The following UNC5D variants were observed in gnomAD, a reference collection of about 807,000 sequenced individuals.
UNC5D encodes netrin receptor UNC5D.
In UNC5D, 39 loss-of-function variants were observed where a neutral mutation model predicts 105.4. The observed-to-expected ratio is 0.37, with a 90% confidence interval of 0.29 to 0.48. The LOEUF (loss-of-function observed/expected upper bound fraction) is 0.48, where lower values mean the gene tolerates loss of function less well. Among genes scored for constraint, UNC5D ranks in the 20% least tolerant of loss-of-function variants. UNC5D has a pLI of 0.98. For synonymous variants in UNC5D, 452 were observed against 450.4 expected (o/e 1.00, Z -0.04); for missense variants, 991 against 1,202.4 (o/e 0.82, Z 2.60).
chr8:35,246,776 G>A (rs952325431), intron 1 of UNC5D, among the ~76,000 whole-genome samples: 1 of 152,038 alleles, frequency 6.6e-6, no homozygotes, highest in African/African-American at 2.4e-5. Context: ...GGAGCCAGTT[G>A]GTCCTCATTT....
chr8:35,407,202 G>A (rs1286550454), intron 1 of UNC5D, among the ~76,000 whole-genome samples: 6 of 152,060 alleles, frequency 3.9e-5, no homozygotes, highest in African/African-American at 9.7e-5. Flanking sequence ...ATGCAGCCTA[G>A]GTGTGAAGTA....
At chr8:35,479,373 A>G (rs1353979609) in intron 1 of UNC5D, among the ~76,000 whole-genome samples, 1 of 152,172 alleles carries the variant, frequency 6.6e-6, no homozygotes, top group Non-Finnish European at 1.5e-5. Flanking sequence ...CCCTCTATTA[A>G]CAAAATGTAC....
intron 4 of UNC5D, among the ~76,000 whole-genome samples, chr8:35,611,333 A>G (rs1235820319): frequency 6.6e-6 from 1 of 152,180 alleles, no homozygotes. Context: ...CCACTTATCA[A>G]AAAGCTTCGT....
rs1171469167 is a variant in UNC5D at position 35,512,565 on chromosome 8, A to C, written c.104-36727A>C. Among the ~76,000 whole-genome samples the C allele has an allele frequency of 3.0e-4, 29 of 95,380 alleles. 1 individual carries two copies. Among genetic ancestry groups the C allele is most frequent in the African/African-American group, 5.3e-4 (11 of 20,628 alleles). 62.6% of individuals were successfully genotyped at this position (95,380 alleles called of 152,430 possible). A position where few individuals can be genotyped will look rare whatever the true frequency, so the allele number is the denominator to read the frequency against. ...TATATATATATATATATATATATAT[A>C]TATATCTGAATAGATTACTAAATGG... is the stretch of plus-strand genomic sequence containing the variant. On this transcript the variant is annotated intron_variant, in intron 1 of 16. Coordinates refer to ENST00000404895, the MANE Select transcript of UNC5D (RefSeq NM_080872.4).
chr8:35,533,882 G>A (rs1586070216), intron 1 of UNC5D, among the ~76,000 whole-genome samples: 1 of 152,160 alleles, frequency 6.6e-6, no homozygotes, highest in Non-Finnish European at 1.5e-5. Flanking sequence ...CCCAAGTGAG[G>A]CAATGCCTCG....
intron 1 of UNC5D, among the ~76,000 whole-genome samples, chr8:35,532,201 T>A (rs1814440635): frequency 6.6e-6 from 1 of 150,554 alleles, no homozygotes; most frequent in South Asian, 2.1e-4. Flanking sequence ...TTCCTTTCCA[T>A]GTTTAGCGCT....
At chr8:35,704,960 CTTT>C (rs1001514087) in intron 7 of UNC5D, among the ~76,000 whole-genome samples, 195 of 115,560 alleles carry the variant, frequency 1.7e-3, no homozygotes, top group African/African-American at 6.4e-3. Context: ...TGCTGAATGC[CTTT>C]TTTTTTTTTT....
intron 1 of UNC5D, among the ~76,000 whole-genome samples, chr8:35,519,914 A>T (rs1813347144): frequency 6.6e-6 from 1 of 152,090 alleles, no homozygotes; most frequent in African/African-American, 2.4e-5. Context: ...ACAGATGATA[A>T]TAAGTGTTTG....
chr8:35,458,553 T>G (rs371222781), intron 1 of UNC5D, among the ~76,000 whole-genome samples: 2 of 152,148 alleles, frequency 1.3e-5, no homozygotes, highest in East Asian at 3.9e-4. Context: ...CTCTTGCCAC[T>G]AAGGAAAACA....
chr8:35,593,916 C>T (rs1442316469), intron 3 of UNC5D, among the ~76,000 whole-genome samples: 2 of 152,156 alleles, frequency 1.3e-5, no homozygotes, highest in African/African-American at 4.8e-5. Flanking sequence ...CCAAAGATCC[C>T]TTGTGAGACA....
At chr8:35,364,908 G>T (rs1342782295) in intron 1 of UNC5D, among the ~76,000 whole-genome samples, 1 of 152,140 alleles carries the variant, frequency 6.6e-6, no homozygotes, top group Non-Finnish European at 1.5e-5. Context: ...CCCTGTGAAA[G>T]AAAATCTATC....
intron 1 of UNC5D, among the ~76,000 whole-genome samples, chr8:35,360,721 G>C (rs1320864363): frequency 1.3e-5 from 2 of 152,086 alleles, no homozygotes; most frequent in Non-Finnish European, 2.9e-5. Flanking sequence ...AGGAGTCTGG[G>C]AAACTATATG....
At chr8:35,514,477 T>A (rs1812986593) in intron 1 of UNC5D, among the ~76,000 whole-genome samples, 1 of 152,216 alleles carries the variant, frequency 6.6e-6, no homozygotes, top group South Asian at 2.1e-4. Context: ...AGCGCATTTC[T>A]AGGCTGGCTT....
intron 1 of UNC5D, among the ~76,000 whole-genome samples, chr8:35,292,472 A>G (rs1445318480): frequency 6.6e-6 from 1 of 152,176 alleles, no homozygotes; most frequent in Non-Finnish European, 1.5e-5. Context: ...GCAATGTTGG[A>G]CATTGGTCAA....
intron 13 of UNC5D, among the ~76,000 whole-genome samples, chr8:35,756,854 T>C (rs2131669856): frequency 6.6e-6 from 1 of 152,284 alleles, no homozygotes; most frequent in South Asian, 2.1e-4. Flanking sequence ...TCACTTCATT[T>C]CCTGGCGTCG....
chr8:35,274,505 A>C (rs1805638910), intron 1 of UNC5D, among the ~76,000 whole-genome samples: 1 of 152,184 alleles, frequency 6.6e-6, no homozygotes, highest in African/African-American at 2.4e-5. Flanking sequence ...GTGAGTGTGC[A>C]CATGTGTCCA....
intron 1 of UNC5D, among the ~76,000 whole-genome samples, chr8:35,486,278 G>A (rs960357419): frequency 3.3e-5 from 5 of 152,110 alleles, no homozygotes; most frequent in African/African-American, 4.8e-5. Flanking sequence ...AATTCCCTTT[G>A]CAATAGTAAT....
intron 1 of UNC5D, among the ~76,000 whole-genome samples, chr8:35,494,353 T>C (rs1421373576): frequency 6.6e-6 from 1 of 152,206 alleles, no homozygotes; most frequent in East Asian, 1.9e-4. Flanking sequence ...TATTTTACAT[T>C]ATAATGAAAT....
chr8:35,439,663 T>C (rs889725918), intron 1 of UNC5D, among the ~76,000 whole-genome samples: 2 of 152,040 alleles, frequency 1.3e-5, no homozygotes, highest in African/African-American at 4.8e-5. Flanking sequence ...CTGAGTTCTT[T>C]GTCATTCCCA....
Sources: gnomAD v4.1 joint callset for allele counts (sites outside exome capture counted in the v4.1 genomes callset) on GRCh38, gnomAD v4.1.1 for gene constraint, MANE v1.5 for transcripts, NCBI Gene and HGNC (gene_info 2026-07-23, HGNC 2026-07-21) for gene names.